POM121C: variants seen among roughly 807,000 people sequenced by gnomAD.
POM121C encodes nuclear envelope pore membrane protein POM 121C.
Under a neutral mutation model 66.4 loss-of-function variants are expected in POM121C, and 20 were observed. The ratio of observed to expected loss-of-function variants is 0.30; its 90% CI spans 0.21 to 0.44. The LOEUF is 0.44. POM121C is among the 20% of genes least tolerant of loss of function. The probability of loss-of-function intolerance (pLI) is 1.00; values close to 1 mark genes in which losing one functional copy is unlikely to be tolerated. For synonymous variants in POM121C, 286 were observed against 528.0 expected (o/e 0.54, Z 6.28); for missense variants, 580 against 1,225.7 (o/e 0.47, Z 7.87).
At chr7:75,465,774 C>T (rs1791616465) in intron 3 of POM121C, among the ~76,000 whole-genome samples, 1 of 149,444 alleles carries the variant, frequency 6.7e-6, no homozygotes, top group Non-Finnish European at 1.5e-5. Flanking sequence ...AAAAAATTAG[C>T]CTGAGTCCTA....
Position 75,485,870 on chromosome 7 carries a change from G to A in POM121C, c.-464C>T. 2.0e-6 allele frequency: 1 copy of A among 508,240 alleles called. No individual in the cohort carries two copies. Among genetic ancestry groups the A allele is most frequent in the Non-Finnish European group, 3.9e-6 (1 of 256,034 alleles). The allele number at this position is 508,240 out of a possible 1,614,324, so 31.5% of individuals were successfully genotyped here. A position where few individuals can be genotyped will look rare whatever the true frequency, so the allele number is the denominator to read the frequency against. On this transcript the variant is annotated 5_prime_UTR_variant, in exon 1 of 15. Transcript: ENST00000615331. ...CCAAAAACCCAAGACTTACCCTCCT[G>A]GGGCTCCGCAGCCTCTGCCCCACGG... is the stretch of plus-strand genomic sequence containing the variant.
rs1424828788 is a variant in POM121C at position 75,460,257 on chromosome 7, C to T, written c.-152+14447G>A. Among the ~76,000 whole-genome samples, 11 of 143,776 alleles carry T rather than the reference C, an allele frequency of 7.7e-5. No individual in the cohort carries two copies. In the South Asian group the frequency reaches 1.1e-3, roughly 14 times the overall value. 94.3% of individuals were successfully genotyped at this position (143,776 alleles called of 152,430 possible). On this transcript the variant is annotated intron_variant, in intron 3 of 14. Coordinates refer to ENST00000615331, the MANE Select transcript of POM121C (RefSeq NM_001099415.3). ...CTATAATCCCAGCACATTAGGGGGCCGAGGCGGAGGGAATCACTTGAGCTC... is the reference window on the plus strand; with the variant it reads ...CTATAATCCCAGCACATTAGGGGGCTGAGGCGGAGGGAATCACTTGAGCTC...
intron 11 of POM121C, 71 bp downstream of exon 11, chr7:75,424,455 A>G: frequency 6.4e-7 from 1 of 1,565,112 alleles, no homozygotes. Context: ...CATTTTTCCA[A>G]ACACCAAAAT....
rs1392809822 is a variant in POM121C at position 75,416,897 on chromosome 7, G to T, written c.*1899C>A. 2.8e-6 allele frequency: 4 copies of T among 1,434,746 alleles called. No homozygotes were observed. The African/African-American group carries it at 4.3e-5, about 15-fold the overall frequency. 88.9% of individuals were successfully genotyped at this position (1,434,746 alleles called of 1,614,324 possible). On this transcript the variant is annotated 3_prime_UTR_variant, in exon 15 of 15. Coordinates refer to ENST00000615331, the MANE Select transcript of POM121C (RefSeq NM_001099415.3). ...AGGAATGAAGTCTCTATTTGTAATG[G>T]AAAGTCCCAGCCTCCCGCTGCCGTC...
At chr7:75,419,745 C>T (rs1198734794) in intron 13 of POM121C, 63 of 363,782 alleles carry the variant, frequency 1.7e-4, no homozygotes, top group Non-Finnish European at 2.3e-4. Context: ...CTGGGGCCCC[C>T]GCCTCCTAGC....
rs1792009845 is a variant in POM121C, at chr7:75,474,691, T to G, written c.-152+13A>C. 1 of 1,408,850 alleles carries G rather than the reference T, an allele frequency of 7.1e-7. No homozygotes were observed. The highest frequency in any genetic ancestry group is 9.9e-7 in the Non-Finnish European group (1 of 1,006,204). 87.3% of individuals were successfully genotyped at this position (1,408,850 alleles called of 1,614,324 possible). A position where few individuals can be genotyped will look rare whatever the true frequency, so the allele number is the denominator to read the frequency against. ...ATGAGCATTTTTTAACATTTGATACTCTACTAACTTACCAGGACTATGTTG... is the reference window on the plus strand; with the variant it reads ...ATGAGCATTTTTTAACATTTGATACGCTACTAACTTACCAGGACTATGTTG... On this transcript the variant is annotated intron_variant, in intron 3 of 14. Coordinates refer to ENST00000615331, the MANE Select transcript of POM121C (RefSeq NM_001099415.3).
At chr7:75,485,471 T>G (rs1554480714) in intron 1 of POM121C, among the ~76,000 whole-genome samples, 1 of 152,132 alleles carries the variant, frequency 6.6e-6, no homozygotes, top group Non-Finnish European at 1.5e-5. Context: ...CCCTGCAGAC[T>G]GTTCCTGCAT....
intron 1 of POM121C, among the ~76,000 whole-genome samples, chr7:75,479,845 AACTC>A (rs1261321337): frequency 6.6e-6 from 1 of 152,170 alleles, no homozygotes; most frequent in African/African-American, 2.4e-5. Context: ...TATAAATTCT[AACTC>A]ACTAAAATAA....
chr7:75,463,154 C>T (rs1233270752), intron 3 of POM121C, among the ~76,000 whole-genome samples: 3 of 152,058 alleles, frequency 2.0e-5, no homozygotes, highest in African/African-American at 7.3e-5. Context: ...GAAACCCCGT[C>T]TCTACTAAAA....
chr7:75,418,594 C>A lies in POM121C; in HGVS notation c.*202G>T. ...AGAGGTCCCGGGCTTTGGCCCTCCG[C>A]ATCCTGCTTCCCCTTCCCTGAGGCT... On this transcript the variant is annotated 3_prime_UTR_variant, in exon 15 of 15. Transcript: ENST00000615331. The A allele has an allele frequency of 2.3e-6, 3 of 1,315,918 alleles. No individual in the cohort carries two copies. The highest frequency in any genetic ancestry group is 3.0e-6 in the Non-Finnish European group (3 of 1,008,864). 81.5% of individuals were successfully genotyped at this position (1,315,918 alleles called of 1,614,324 possible).
chr7:75,419,681 C>T (rs1789615059), intron 13 of POM121C: 1 of 528,826 alleles, frequency 1.9e-6, no homozygotes, highest in African/African-American at 2.0e-5. Flanking sequence ...AAAAGCCCCC[C>T]TGCCCCGCAG....
At chr7:75,448,316 A>G (rs1190780084) in intron 3 of POM121C, among the ~76,000 whole-genome samples, 1 of 146,790 alleles carries the variant, frequency 6.8e-6, no homozygotes, top group East Asian at 2.1e-4. Flanking sequence ...TTCAGGCAGA[A>G]GAAAAATACC....
Position 75,437,430 on chromosome 7 carries a change from A to G in POM121C, c.480+85T>C. ...TGGCCTTCCAAAGTGCTGGGATTACATGGCTAAGCTACCATGTCTGGCCCT... is the reference window on the plus strand; with the variant it reads ...TGGCCTTCCAAAGTGCTGGGATTACGTGGCTAAGCTACCATGTCTGGCCCT... On this transcript the variant is annotated intron_variant, in intron 7 of 14. Transcript: ENST00000615331. 6 of 1,499,468 alleles carry G rather than the reference A, an allele frequency of 4.0e-6. No homozygotes were observed. In the South Asian group the frequency reaches 5.5e-5, roughly 14 times the overall value. The allele number at this position is 1,499,468 out of a possible 1,614,324, so 92.9% of individuals were successfully genotyped here.
intron 3 of POM121C, among the ~76,000 whole-genome samples, chr7:75,471,995 C>T (rs1438574276): frequency 6.6e-6 from 1 of 152,008 alleles, no homozygotes; most frequent in African/African-American, 2.4e-5. Flanking sequence ...AGGCCATTCT[C>T]TTGCCTCAGC....
At chr7:75,456,836 C>T (rs1370359612) in intron 3 of POM121C, among the ~76,000 whole-genome samples, 1 of 152,056 alleles carries the variant, frequency 6.6e-6, no homozygotes, top group Admixed American at 6.6e-5. Context: ...CTAATTACAA[C>T]TAAAACCCCT....
intron 13 of POM121C, chr7:75,421,257 T>G: frequency 8.8e-7 from 1 of 1,141,268 alleles, no homozygotes; most frequent in Non-Finnish European, 1.2e-6. Context: ...ATTACAAGCA[T>G]GAGCCACTGC....
chr7:75,474,129 C>A (rs1370174040), intron 3 of POM121C, among the ~76,000 whole-genome samples: 1 of 152,168 alleles, frequency 6.6e-6, no homozygotes, highest in Admixed American at 6.5e-5. Flanking sequence ...AGCAGTGGCT[C>A]AGGACTGTAA....
Position 75,467,347 on chromosome 7 carries a change from CAGTGA to C in POM121C, c.-152+7352_-152+7356del, listed in dbSNP as rs377731749. Among the ~76,000 whole-genome samples the C allele has an allele frequency of 3.9e-3, 590 of 151,906 alleles. 2 individuals carry two copies. The highest frequency in any genetic ancestry group is 0.014 in the African/African-American group (560 of 41,430). ...GAGATTGAGACCATCCTGGCTAACA[CAGTGA>C]AACCCCATCACTACTAAAAATACAA... is the stretch of plus-strand genomic sequence containing the variant. On this transcript the variant is annotated intron_variant, in intron 3 of 14. Transcript: ENST00000615331.
At chr7:75,480,581 C>A (rs1314504998) in intron 1 of POM121C, among the ~76,000 whole-genome samples, 1 of 152,090 alleles carries the variant, frequency 6.6e-6, no homozygotes, top group Non-Finnish European at 1.5e-5. Flanking sequence ...AGATCCTGTT[C>A]TGAGCCATAA....
Sources: gnomAD v4.1 joint callset for allele counts (sites outside exome capture counted in the v4.1 genomes callset) on GRCh38, gnomAD v4.1.1 for gene constraint, MANE v1.5 for transcripts, NCBI Gene and HGNC (gene_info 2026-07-23, HGNC 2026-07-21) for gene names.